The following SBF2 variants were observed in gnomAD, a reference collection of about 807,000 sequenced individuals.
SBF2 encodes SET binding factor 2.
SBF2 carries 112 observed loss-of-function variants against 225.2 expected under a neutral mutation model. The ratio of observed to expected loss-of-function variants is 0.50; its 90% confidence interval spans 0.43 to 0.58. The LOEUF (loss-of-function observed/expected upper bound fraction) is 0.58. SBF2 is among the 20% of genes least tolerant of loss of function. The pLI, the probability that SBF2 is intolerant of heterozygous loss-of-function variation, is 0.00. For missense variants in SBF2, 1,996 were observed against 2,206.2 expected, an observed-to-expected ratio of 0.90 and a Z score of 1.91; for synonymous variants, 763 against 773.3, an observed-to-expected ratio of 0.99 and a Z score of 0.22.
intron 2 of SBF2, among the ~76,000 whole-genome samples, chr11:10,095,699 A>C (rs1951988107): frequency 6.6e-6 from 1 of 152,206 alleles, no homozygotes; most frequent in Admixed American, 6.5e-5. Context: ...TAAGAAGAGG[A>C]TTCAAGTTTT....
intron 1 of SBF2, among the ~76,000 whole-genome samples, chr11:10,287,610 C>T (rs1963883866): frequency 6.6e-6 from 1 of 151,240 alleles, no homozygotes; most frequent in Middle Eastern, 3.2e-3. Context: ...AGTGGCTACA[C>T]TAATGTATGT....
chr11:10,203,040 T>C (rs1957623065), intron 1 of SBF2, among the ~76,000 whole-genome samples: 1 of 125,480 alleles, frequency 8.0e-6, no homozygotes, highest in Non-Finnish European at 1.6e-5. Context: ...TCTAGATGTT[T>C]AGCTGGGGTG....
chr11:10,304,585 G>A (rs1964631223), exon 1 of SBF2: 1 of 150,868 alleles, frequency 6.6e-6, no homozygotes, highest in Non-Finnish European at 1.5e-5. Flanking sequence ...CGGCCCCTCC[G>A]CGGGAGTCTG....
At chr11:10,236,741 C>T (rs1048303356) in intron 1 of SBF2, among the ~76,000 whole-genome samples, 4 of 152,110 alleles carry the variant, frequency 2.6e-5, no homozygotes, top group African/African-American at 9.7e-5. Flanking sequence ...GGATTACAGG[C>T]GTGAGTCACC....
At chr11:10,054,049 C>G (rs183625702) in intron 2 of SBF2, among the ~76,000 whole-genome samples, 142 of 152,196 alleles carry the variant, frequency 9.3e-4, no homozygotes, top group Admixed American at 2.8e-3. Context: ...CATATAGGCC[C>G]AATTTTAATA....
rs1852484697 is a variant in SBF2, at chr11:9,787,972, G to A, written c.4933-234C>T. 11 of 558,244 alleles carry A rather than the reference G, an allele frequency of 2.0e-5. No individual in the cohort carries two copies. In the South Asian group the frequency reaches 2.2e-4, roughly 11 times the overall value. The allele number at this position is 558,244 out of a possible 1,614,324, so 34.6% of individuals were successfully genotyped here. A position where few individuals can be genotyped will look rare whatever the true frequency, so the allele number is the denominator to read the frequency against. ...TTAGGACCTATAACTAGGCCTTTTT[G>A]TACAGGATAGCTTACATACTAGGAT... On this transcript the variant is annotated intron_variant, in intron 35 of 39. Transcript: ENST00000256190.
intron 2 of SBF2, among the ~76,000 whole-genome samples, chr11:10,055,922 G>T (rs1950241677): frequency 6.6e-6 from 1 of 151,842 alleles, no homozygotes; most frequent in South Asian, 2.1e-4. Flanking sequence ...CCCCACTAAA[G>T]TTATTGAAAT....
chr11:10,257,664 CAAAAAAAAA>C (rs58743421), intron 1 of SBF2, among the ~76,000 whole-genome samples: 4 of 39,056 alleles, frequency 1.0e-4, no homozygotes, highest in African/African-American at 5.5e-4. Context: ...GGCCTTGCCT[CAAAAAAAAA>C]AAAAAAAAAA....
intron 1 of SBF2, 90 bp downstream of exon 1, chr11:10,293,925 G>T: frequency 1.0e-6 from 1 of 993,398 alleles, no homozygotes; most frequent in Non-Finnish European, 1.3e-6. Flanking sequence ...CCTCCCCGAC[G>T]CCCGTCCCCG....
At chr11:9,976,758 T>G (rs553928174) in intron 13 of SBF2, among the ~76,000 whole-genome samples, 78 of 151,932 alleles carry the variant, frequency 5.1e-4, no homozygotes, top group Admixed American at 1.8e-3. Flanking sequence ...TTTCTTTTTT[T>G]TTGTTGTTGT....
chr11:9,927,029 A>C (rs1205135324), intron 16 of SBF2, among the ~76,000 whole-genome samples: 1 of 152,170 alleles, frequency 6.6e-6, no homozygotes, highest in Non-Finnish European at 1.5e-5. Flanking sequence ...GGGAGACAAC[A>C]CATTTTTGCC....
intron 16 of SBF2, chr11:9,959,977 G>A (rs945750316): frequency 9.3e-5 from 28 of 302,446 alleles, no homozygotes; most frequent in African/African-American, 5.7e-4. Context: ...AAAAAATACT[G>A]ATTTGTAGGG....
At chr11:9,875,116 G>T (rs531630065) in intron 17 of SBF2, among the ~76,000 whole-genome samples, 1 of 152,302 alleles carries the variant, frequency 6.6e-6, no homozygotes, top group African/African-American at 2.4e-5. Flanking sequence ...CATTTCCCAG[G>T]AAGAATTATC....
At chr11:10,127,047 A>G (rs980402163) in intron 2 of SBF2, among the ~76,000 whole-genome samples, 3 of 152,062 alleles carry the variant, frequency 2.0e-5, no homozygotes, top group African/African-American at 7.2e-5. Flanking sequence ...AGGGAAATTG[A>G]GAGTTTTTTA....
chr11:9,974,382 C>G (rs2134406998), intron 13 of SBF2, among the ~76,000 whole-genome samples: 1 of 152,208 alleles, frequency 6.6e-6, no homozygotes. Flanking sequence ...CACAGTCCCT[C>G]CAACTGTGAC....
At chr11:9,993,649 T>C (rs1327770236) in intron 10 of SBF2, among the ~76,000 whole-genome samples, 1 of 152,230 alleles carries the variant, frequency 6.6e-6, no homozygotes, top group Non-Finnish European at 1.5e-5. Context: ...CAGGCTATAA[T>C]CTAGGCTCTG....
intron 17 of SBF2, among the ~76,000 whole-genome samples, chr11:9,870,459 A>G (rs908925483): frequency 3.9e-5 from 6 of 152,234 alleles, no homozygotes; most frequent in South Asian, 4.1e-4. Context: ...AGACTATACT[A>G]CAAGGCTACA....
At chr11:10,252,765 G>T (rs182430561) in intron 1 of SBF2, among the ~76,000 whole-genome samples, 1 of 150,260 alleles carries the variant, frequency 6.7e-6, no homozygotes, top group Non-Finnish European at 1.5e-5. Flanking sequence ...AGCTTGCAGC[G>T]AGCTGAGATC....
At chr11:10,293,862 C>T (rs1165474171) in intron 1 of SBF2, among the ~76,000 whole-genome samples, 153 bp downstream of exon 1, 3 of 151,992 alleles carry the variant, frequency 2.0e-5, no homozygotes, top group Non-Finnish European at 4.4e-5. Flanking sequence ...CAGGCTCAGC[C>T]CAGCCGAGAA....
Sources: allele counts gnomAD v4.1 joint callset (sites outside exome capture counted in the v4.1 genomes callset), GRCh38; gene constraint gnomAD v4.1.1; transcripts MANE v1.5; gene names NCBI Gene and HGNC (gene_info 2026-07-23, HGNC 2026-07-21).